DNAJC5B: variants seen among roughly 807,000 people sequenced by gnomAD.
DNAJC5B encodes the protein dnaJ homolog subfamily C member 5B.
A neutral mutation model predicts 24.7 loss-of-function variants in DNAJC5B; 23 were observed. That is an observed-to-expected ratio of 0.93 (90% CI 0.67 to 1.32). The LOEUF (loss-of-function observed/expected upper bound fraction) is 1.32. Among genes scored for constraint, DNAJC5B ranks in the 40% most tolerant of loss-of-function variants. The pLI, the probability that DNAJC5B is intolerant of heterozygous loss-of-function variation, is 0.00. For missense variants in DNAJC5B, 238 were observed against 240.8 expected, an observed-to-expected ratio of 0.99 and a Z score of 0.08; for synonymous variants, 101 against 90.1, an observed-to-expected ratio of 1.12 and a Z score of -0.68.
chr8:66,028,392 A>C (rs1806292015), intron 1 of DNAJC5B, among the ~76,000 whole-genome samples: 1 of 152,162 alleles, frequency 6.6e-6, no homozygotes, highest in Non-Finnish European at 1.5e-5. Flanking sequence ...GGAAGAATAA[A>C]ATGAACTCTA....
intron 2 of DNAJC5B, among the ~76,000 whole-genome samples, chr8:66,048,065 T>C (rs1459115526): frequency 1.3e-5 from 2 of 152,116 alleles, no homozygotes; most frequent in South Asian, 2.1e-4. Flanking sequence ...ATTTTAAAAT[T>C]TGAATCAAGG....
intron 1 of DNAJC5B, among the ~76,000 whole-genome samples, chr8:66,036,670 T>G (rs1032639775): frequency 6.6e-6 from 1 of 152,238 alleles, no homozygotes; most frequent in Non-Finnish European, 1.5e-5. Flanking sequence ...TCTTTCTTTA[T>G]GAACACCAGA....
chr8:66,057,920 AG>A (rs1807000987), intron 3 of DNAJC5B: 1 of 152,270 alleles, frequency 6.6e-6, no homozygotes, highest in Non-Finnish European at 1.5e-5. Flanking sequence ...GAATGGCTAA[AG>A]GAAGTTCTTC....
At chr8:66,064,674 C>CA (rs1277740290) in intron 3 of DNAJC5B, among the ~76,000 whole-genome samples, 6 of 152,172 alleles carry the variant, frequency 3.9e-5, no homozygotes, top group Non-Finnish European at 5.9e-5. Context: ...ATGCAGCCTA[C>CA]AGATTCTGAG....
chr8:66,015,908 A>G, the DNAJC5B span, among the ~76,000 whole-genome samples: 3 of 152,346 alleles, frequency 2.0e-5, no homozygotes, highest in Admixed American at 1.3e-4. Context: ...TGTGCAGTGG[A>G]CAGTGAGAGA....
At chr8:66,050,089 T>C (rs569406650) in intron 2 of DNAJC5B, among the ~76,000 whole-genome samples, 1 of 152,346 alleles carries the variant, frequency 6.6e-6, no homozygotes, top group Non-Finnish European at 1.5e-5. Flanking sequence ...AGTTTATCAC[T>C]ATTATTTTCC....
Position 66,076,643 on chromosome 8 carries a change from T to C in DNAJC5B, c.120-17T>C. 6.2e-7 allele frequency: 1 copy of C among 1,613,310 alleles called. No individual in the cohort carries two copies. ...GTCAAATAACACACTCTCCTTGTTT[T>C]TCTTTTATTTTAAAAGAAAATTGGC... On this transcript the variant is annotated splice_polypyrimidine_tract_variant and intron_variant, in intron 3 of 5. Transcript: ENST00000276570.
intron 3 of DNAJC5B, among the ~76,000 whole-genome samples, chr8:66,062,337 A>G (rs527372545): frequency 3.3e-4 from 51 of 152,330 alleles, no homozygotes; most frequent in African/African-American, 1.2e-3. Context: ...GAAAGATACT[A>G]GCTTCCATCT....
intron 3 of DNAJC5B, among the ~76,000 whole-genome samples, chr8:66,058,604 A>G (rs1321264922): frequency 2.0e-5 from 3 of 152,242 alleles, no homozygotes. Context: ...AATTTTCAGT[A>G]TCTCCAGTTC....
intron 1 of DNAJC5B, among the ~76,000 whole-genome samples, chr8:66,041,615 G>T (rs949412219): frequency 6.6e-6 from 1 of 152,174 alleles, no homozygotes. Context: ...AATCTTGGAA[G>T]ATATACTAAG....
At chr8:66,038,348 CT>C (rs1274383445) in intron 1 of DNAJC5B, among the ~76,000 whole-genome samples, 7 of 152,332 alleles carry the variant, frequency 4.6e-5, no homozygotes, top group African/African-American at 1.7e-4. Flanking sequence ...GCATTTCTTT[CT>C]CTTTCAAATA....
At chr8:66,039,126 C>T (rs1418390196) in intron 1 of DNAJC5B, among the ~76,000 whole-genome samples, 1 of 152,074 alleles carries the variant, frequency 6.6e-6, no homozygotes. Flanking sequence ...AGTCATAGAC[C>T]GATAAGCAAG....
chr8:66,095,658 GACACACACAC>G (rs10566337), intron 5 of DNAJC5B, among the ~76,000 whole-genome samples: 4,961 of 146,724 alleles, frequency 0.034, 121 homozygotes, highest in Middle Eastern at 0.075. Context: ...ACTTTAGCTT[GACACACACAC>G]ACACACACAC....
At chr8:66,071,701 T>C (rs543254282) in intron 3 of DNAJC5B, among the ~76,000 whole-genome samples, 1 of 152,202 alleles carries the variant, frequency 6.6e-6, no homozygotes, top group African/African-American at 2.4e-5. Flanking sequence ...CATTACTGGG[T>C]ATATACCCAA....
chr8:66,063,686 G>T (rs7010033), intron 3 of DNAJC5B, among the ~76,000 whole-genome samples: 1 of 151,986 alleles, frequency 6.6e-6, no homozygotes, highest in African/African-American at 2.4e-5. Context: ...GAATCATTAC[G>T]ATCCGTAACT....
chr8:66,016,347 CTGT>C, the DNAJC5B span, among the ~76,000 whole-genome samples: 1 of 152,218 alleles, frequency 6.6e-6, no homozygotes, highest in Middle Eastern at 3.4e-3. Context: ...TTCCCTTATG[CTGT>C]TGTTGTGATA....
intron 3 of DNAJC5B, among the ~76,000 whole-genome samples, chr8:66,061,610 A>AGAGT (rs1239405686): frequency 0.02 from 2,920 of 144,960 alleles, 36 homozygotes; most frequent in Middle Eastern, 0.038. Context: ...AGAGAGAGAG[A>AGAGT]GTGTGTGTGT....
At chr8:66,099,726 T>C (rs570857137) in intron 5 of DNAJC5B, among the ~76,000 whole-genome samples, 48 of 152,342 alleles carry the variant, frequency 3.2e-4, no homozygotes, top group Middle Eastern at 3.4e-3. Context: ...TTTGGTGCTT[T>C]GGTTTTATAA....
chr8:66,063,485 C>T (rs994083678), intron 3 of DNAJC5B, among the ~76,000 whole-genome samples: 5 of 152,158 alleles, frequency 3.3e-5, no homozygotes, highest in Non-Finnish European at 7.4e-5. Flanking sequence ...CTCTATCAAG[C>T]ACTAATTTGC....
Sources: allele counts gnomAD v4.1 joint callset (sites outside exome capture counted in the v4.1 genomes callset), GRCh38; gene constraint gnomAD v4.1.1; transcripts MANE v1.5; gene names NCBI Gene and HGNC (gene_info 2026-07-23, HGNC 2026-07-21).